CCDC186: variants seen among roughly 807,000 people sequenced by gnomAD.
The protein encoded by CCDC186 is coiled-coil domain containing 186, also known as coiled-coil domain-containing protein 186.
CCDC186 carries 49 observed loss-of-function variants against 113.7 expected under a neutral mutation model. The ratio of observed to expected loss-of-function variants is 0.43; its 90% confidence interval spans 0.34 to 0.55. The LOEUF is 0.55. Ranked by LOEUF, CCDC186 falls within the 20% of genes least tolerant of loss-of-function variation. The probability of loss-of-function intolerance (pLI) is 0.02; values close to 1 mark genes in which losing one functional copy is unlikely to be tolerated. For missense variants in CCDC186, 890 were observed against 1,011.1 expected (o/e 0.88, Z 1.62); for synonymous variants, 355 against 345.8 (o/e 1.03, Z -0.30).
chr10:114,161,277 T>G (rs1422600547), intron 2 of CCDC186, among the ~76,000 whole-genome samples: 3 of 152,240 alleles, frequency 2.0e-5, no homozygotes, highest in Non-Finnish European at 4.4e-5. Context: ...CAAGTTACTT[T>G]TTCTCTCTCT....
At chr10:114,172,237 T>C (rs1477909349) in intron 1 of CCDC186, among the ~76,000 whole-genome samples, 1 of 152,230 alleles carries the variant, frequency 6.6e-6, no homozygotes, top group African/African-American at 2.4e-5. Flanking sequence ...AAGGGAAAGA[T>C]TATTTTCTAA....
At chr10:114,140,215 A>C (rs976440460) in intron 6 of CCDC186, among the ~76,000 whole-genome samples, 18 of 152,254 alleles carry the variant, frequency 1.2e-4, no homozygotes, top group African/African-American at 4.3e-4. Context: ...GAAAGTCCGG[A>C]TAGAATGAAA....
At position 114,135,019 on chromosome 10, in the gene CCDC186, C is replaced by T; in HGVS notation, c.1549G>A (p.Asp517Asn). The change falls in exon 10 of 16, where the codon GAT becomes AAT. Residue 517 changes from aspartate to asparagine, a missense_variant. Asp to Asn is a conservative substitution (Grantham distance 23, BLOSUM62 1). Transcript: ENST00000369287. The part of the protein sequence containing the change: ...CLEDERLRTE[D>N]ELSKYKEIIN... ...ATTTCCTTATATTTTGATAATTCATCTTCTGTTCTTAATCGTTCATCTTCT... is the reference window on the plus strand; with the variant it reads ...ATTTCCTTATATTTTGATAATTCATTTTCTGTTCTTAATCGTTCATCTTCT... 1 of 1,610,890 alleles carries T rather than the reference C, an allele frequency of 6.2e-7. No homozygotes were observed. The highest frequency in any genetic ancestry group is 8.5e-7 in the Non-Finnish European group (1 of 1,179,216).
intron 1 of CCDC186, among the ~76,000 whole-genome samples, chr10:114,164,104 A>G (rs11196644): frequency 0.12 from 5,352 of 43,588 alleles, 264 homozygotes; most frequent in African/African-American, 0.27. Context: ...GTGTGTGTGT[A>G]TATATATATA....
intron 2 of CCDC186, chr10:114,161,851 G>C (rs2032177389): frequency 1.3e-5 from 2 of 152,132 alleles, no homozygotes; most frequent in Admixed American, 1.3e-4. Flanking sequence ...ATATTATTGA[G>C]CCTTAAAAAG....
chr10:114,137,193 G>A lies in CCDC186; in HGVS notation c.1319C>T (p.Thr440Ile), dbSNP rs2031292674. 6.2e-7 allele frequency: 1 copy of A among 1,607,202 alleles called. No individual in the cohort carries two copies. Among genetic ancestry groups the A allele is most frequent in the Non-Finnish European group, 8.5e-7 (1 of 1,174,240 alleles). Residue 440 changes from threonine to isoleucine, a missense_variant, in exon 7 of 16, where the codon ACA (threonine) becomes ATA (isoleucine). Transcript: ENST00000369287. ...IRKNCQDMIK[T>I]YQESEEIKSN... Reference sequence around the variant, plus strand: ...TTTAAAAGTTATGCATACCTGATATGTTTTTATCATATCCTGACAGTTTTT... The same window carrying A: ...TTTAAAAGTTATGCATACCTGATATATTTTTATCATATCCTGACAGTTTTT...
At chr10:114,125,308 G>C (rs962551787) in intron 15 of CCDC186, 82 bp from the exon 16 acceptor site, 3 of 1,115,760 alleles carry the variant, frequency 2.7e-6, no homozygotes, top group Admixed American at 2.6e-5. Flanking sequence ...ACTATTTTTT[G>C]CCTAAATTTT....
chr10:114,137,318 T>C lies in CCDC186; in HGVS notation c.1222-28A>G, dbSNP rs764804303. The C allele has an allele frequency of 9.7e-6, 15 of 1,550,566 alleles. No individual in the cohort carries two copies. The African/African-American group carries it at 1.2e-4, about 13-fold the overall frequency. Reference sequence around the variant, plus strand: ...GCATTGACAAAAGACAGAGACACAGTTGGGTACAGCAACGTGATGAATGGT... The same window carrying C: ...GCATTGACAAAAGACAGAGACACAGCTGGGTACAGCAACGTGATGAATGGT... On this transcript the variant is annotated intron_variant, in intron 6 of 15. Coordinates refer to ENST00000369287, the MANE Select transcript of CCDC186 (RefSeq NM_018017.4).
At chr10:114,129,999 C>T in intron 12 of CCDC186, 28 bp from the exon 13 acceptor site, 1 of 1,601,258 alleles carries the variant, frequency 6.2e-7, no homozygotes, top group East Asian at 2.2e-5. Flanking sequence ...TTATTCGTCA[C>T]AATTATCAGG....
At chr10:114,158,626 T>C (rs1279648880) in intron 2 of CCDC186, among the ~76,000 whole-genome samples, 1 of 151,502 alleles carries the variant, frequency 6.6e-6, no homozygotes, top group Non-Finnish European at 1.5e-5. Flanking sequence ...GAAAAGCACT[T>C]GATCCCAGGA....
chr10:114,135,545 T>C (rs575989321), intron 9 of CCDC186, among the ~76,000 whole-genome samples: 47 of 152,162 alleles, frequency 3.1e-4, no homozygotes, highest in Non-Finnish European at 5.4e-4. Flanking sequence ...AGGAAAAATA[T>C]AGCCTTCCTG....
At chr10:114,154,210 C>CAA (rs1276405190) in intron 3 of CCDC186, among the ~76,000 whole-genome samples, 21 of 81,140 alleles carry the variant, frequency 2.6e-4, no homozygotes, top group Admixed American at 4.3e-4. Flanking sequence ...GACCTTGTCT[C>CAA]AAAAAAAAAA....
At chr10:114,133,371 TGAG>T (rs1344586862) in intron 10 of CCDC186, among the ~76,000 whole-genome samples, 3 of 152,094 alleles carry the variant, frequency 2.0e-5, no homozygotes, top group African/African-American at 4.8e-5. Context: ...TAGGAACATG[TGAG>T]GAGAAGCATG....
rs774660363 is a variant in CCDC186 at position 114,151,103 on chromosome 10, G to A, written c.877C>T (p.Arg293Trp). ...VQQLHKEMAQ[R>W]MEQANKKCEE... ...GATGTGAGAAATACCTGTTCCATCCGTTGGGCCATCTCTTTGTGTAACTGC... is the reference window on the plus strand; with the variant it reads ...GATGTGAGAAATACCTGTTCCATCCATTGGGCCATCTCTTTGTGTAACTGC... The change falls in exon 4 of 16, where the codon CGG (arginine) becomes TGG (tryptophan). Residue 293 changes from arginine (R) to tryptophan (W), a missense_variant. By Grantham distance (101) the Arg-to-Trp change is moderately radical. Transcript: ENST00000369287. 1.8e-5 allele frequency: 29 copies of A among 1,612,680 alleles called. No homozygotes were observed. The highest frequency in any genetic ancestry group is 6.7e-5 in the Admixed American group (4 of 59,726).
At chr10:114,148,714 C>G (rs754570623) in intron 4 of CCDC186, among the ~76,000 whole-genome samples, 1 of 152,174 alleles carries the variant, frequency 6.6e-6, no homozygotes, top group Non-Finnish European at 1.5e-5. Context: ...GGGCTAAAAC[C>G]TTTACTGCTC....
intron 4 of CCDC186, among the ~76,000 whole-genome samples, chr10:114,150,709 T>G (rs2031828170): frequency 6.6e-6 from 1 of 152,182 alleles, no homozygotes. Flanking sequence ...AGTGCAGCAG[T>G]GCAATCTCGG....
At chr10:114,136,841 A>T (rs1009279375) in intron 7 of CCDC186, among the ~76,000 whole-genome samples, 1 of 152,200 alleles carries the variant, frequency 6.6e-6, no homozygotes, top group African/African-American at 2.4e-5. Context: ...AGAACTGGCT[A>T]GGCACAGTGG....
intron 13 of CCDC186, among the ~76,000 whole-genome samples, chr10:114,128,043 T>C (rs1254332654): frequency 3.3e-5 from 5 of 152,200 alleles, no homozygotes; most frequent in African/African-American, 1.2e-4. Flanking sequence ...GGTTAAGCTC[T>C]GAGGACAGCC....
At chr10:114,157,485 A>G (rs1167966027) in intron 3 of CCDC186, 69 bp downstream of exon 3, 3 of 1,421,772 alleles carry the variant, frequency 2.1e-6, no homozygotes, top group South Asian at 1.4e-5. Flanking sequence ...AGCTGCCACA[A>G]TCGGCTGCCA....
Sources: allele counts gnomAD v4.1 joint callset (sites outside exome capture counted in the v4.1 genomes callset), GRCh38; gene constraint gnomAD v4.1.1; transcripts MANE v1.5; gene names NCBI Gene and HGNC (gene_info 2026-07-23, HGNC 2026-07-21).